The following RB1 variants were observed in gnomAD, a reference collection of about 807,000 sequenced individuals.
RB1 encodes the protein retinoblastoma-associated protein.
RB1 carries 18 observed loss-of-function variants against 135.4 expected under a neutral mutation model. The observed-to-expected ratio is 0.13, with a 90% CI of 0.09 to 0.20. RB1 has a LOEUF of 0.20. Among genes scored for constraint, RB1 ranks in the 10% least tolerant of loss-of-function variants. RB1 has a pLI of 1.00. For missense variants in RB1, 868 were observed against 1,110.0 expected (o/e 0.78, Z 3.10); for synonymous variants, 365 against 373.2 (o/e 0.98, Z 0.25).
At chr13:48,376,105 C>T (rs977732641) in intron 12 of RB1, among the ~76,000 whole-genome samples, 1 of 152,032 alleles carries the variant, frequency 6.6e-6, no homozygotes, top group Admixed American at 6.6e-5. Flanking sequence ...CCAAATGATA[C>T]ATGTATTGGA....
chr13:48,314,136 G>A (rs192154226), intron 2 of RB1, among the ~76,000 whole-genome samples: 81 of 152,154 alleles, frequency 5.3e-4, no homozygotes, highest in African/African-American at 1.7e-3. Context: ...GTGTGAGTTC[G>A]ACAACTTTGG....
At chr13:48,331,250 C>T (rs1188919733) in intron 2 of RB1, among the ~76,000 whole-genome samples, 1 of 152,124 alleles carries the variant, frequency 6.6e-6, no homozygotes, top group Non-Finnish European at 1.5e-5. Flanking sequence ...CACTTGCATT[C>T]AACATAGTAC....
intron 17 of RB1, among the ~76,000 whole-genome samples, chr13:48,420,181 A>T (rs1330868025): frequency 3.9e-5 from 6 of 152,252 alleles, no homozygotes; most frequent in Non-Finnish European, 8.8e-5. Flanking sequence ...CAAAAAGCTT[A>T]TCCACCACAA....
rs948761779 is a variant in RB1 at position 48,377,087 on chromosome 13, C to A, written c.1332+53C>A. Reference sequence around the variant, plus strand: ...TACTATAGAGTAATAATATTAAAAGCAGCATCTTTCCAGTTCGTATAAATA... The same window carrying A: ...TACTATAGAGTAATAATATTAAAAGAAGCATCTTTCCAGTTCGTATAAATA... On this transcript the variant is annotated intron_variant, in intron 13 of 26. Transcript: ENST00000267163. The A allele has an allele frequency of 1.7e-5, 26 of 1,536,218 alleles. No individual in the cohort carries two copies. In the Admixed American group the frequency reaches 4.3e-4, roughly 26 times the overall value.
chr13:48,320,568 C>T, intron 2 of RB1: 3 of 446,124 alleles, frequency 6.7e-6, no homozygotes, highest in Non-Finnish European at 8.3e-6. Context: ...TGCAGTGGCT[C>T]AAGCCCGTAA....
At chr13:48,354,341 A>G (rs1952572818) in intron 6 of RB1, among the ~76,000 whole-genome samples, 2 of 152,126 alleles carry the variant, frequency 1.3e-5, no homozygotes, top group East Asian at 1.9e-4. Flanking sequence ...TACAATAGCC[A>G]CACATAAAAT....
At chr13:48,309,041 T>C (rs1176702930) in intron 2 of RB1, among the ~76,000 whole-genome samples, 1 of 152,204 alleles carries the variant, frequency 6.6e-6, no homozygotes, top group Non-Finnish European at 1.5e-5. Context: ...TTTTTCCAAC[T>C]TTTTGATGCT....
chr13:48,342,305 T>G (rs906301536), intron 2 of RB1, among the ~76,000 whole-genome samples: 21 of 151,914 alleles, frequency 1.4e-4, no homozygotes, highest in Non-Finnish European at 5.9e-5. Flanking sequence ...TATTGAAAAA[T>G]GAAACTATTT....
intron 17 of RB1, among the ~76,000 whole-genome samples, chr13:48,440,969 A>G (rs562310978): frequency 1.3e-5 from 2 of 152,346 alleles, no homozygotes; most frequent in South Asian, 4.1e-4. Context: ...TCCTGCAGAC[A>G]TTCTAAGGAT....
At chr13:48,363,021 C>A (rs1279202484) in intron 8 of RB1, 64 bp downstream of exon 8, 2 of 1,574,080 alleles carry the variant, frequency 1.3e-6, no homozygotes, top group South Asian at 2.2e-5. Flanking sequence ...TTCTCCCTAA[C>A]AATATTTACT....
At chr13:48,466,060 G>C (rs1244917958) in intron 23 of RB1, among the ~76,000 whole-genome samples, 14 of 151,140 alleles carry the variant, frequency 9.3e-5, no homozygotes, top group Middle Eastern at 6.8e-3. Context: ...CCCACCACAG[G>C]TCAAGGAGGC....
chr13:48,426,244 C>T (rs1949077759), intron 17 of RB1, among the ~76,000 whole-genome samples: 1 of 152,150 alleles, frequency 6.6e-6, no homozygotes, highest in South Asian at 2.1e-4. Context: ...TTATAGATGA[C>T]ATCACCTATA....
At chr13:48,357,809 C>T (rs1952605771) in intron 6 of RB1, among the ~76,000 whole-genome samples, 1 of 151,984 alleles carries the variant, frequency 6.6e-6, no homozygotes, top group South Asian at 2.1e-4. Flanking sequence ...TCAATATTAC[C>T]ATTTATTTAT....
chr13:48,317,872 G>T (rs2138050460), intron 2 of RB1: 1 of 398,356 alleles, frequency 2.5e-6, no homozygotes, highest in Admixed American at 3.3e-5. Flanking sequence ...CAGCAACTCT[G>T]GCCTGAATGA....
chr13:48,424,397 T>C (rs1029491533), intron 17 of RB1, among the ~76,000 whole-genome samples: 1 of 152,074 alleles, frequency 6.6e-6, no homozygotes, highest in African/African-American at 2.4e-5. Context: ...TTTTATAGAG[T>C]TGGATGGGAG....
At chr13:48,475,138 T>C (rs1949496293) in intron 24 of RB1, among the ~76,000 whole-genome samples, 1 of 152,154 alleles carries the variant, frequency 6.6e-6, no homozygotes, top group Non-Finnish European at 1.5e-5. Context: ...CCCAAAGAAC[T>C]GGGATTACAG....
intron 1 of RB1, among the ~76,000 whole-genome samples, chr13:48,306,043 G>A (rs182519644): frequency 3.4e-4 from 52 of 152,314 alleles, no homozygotes; most frequent in African/African-American, 1.2e-3. Context: ...GCTGAGGCAG[G>A]AGGATCACAT....
intron 17 of RB1, among the ~76,000 whole-genome samples, chr13:48,449,790 A>G (rs1949314818): frequency 6.6e-6 from 1 of 152,168 alleles, no homozygotes; most frequent in South Asian, 2.1e-4. Context: ...TTGCCGTTTT[A>G]GTGGGGTTTT....
chr13:48,350,857 T>C (rs1402721153), intron 6 of RB1, among the ~76,000 whole-genome samples: 1 of 152,190 alleles, frequency 6.6e-6, no homozygotes, highest in Non-Finnish European at 1.5e-5. Context: ...TGCATTAGTT[T>C]GCTAAGGATA....
Sources: gnomAD v4.1 joint callset for allele counts (sites outside exome capture counted in the v4.1 genomes callset) on GRCh38, gnomAD v4.1.1 for gene constraint, MANE v1.5 for transcripts, NCBI Gene and HGNC (gene_info 2026-07-23, HGNC 2026-07-21) for gene names.